SHB: variants seen among roughly 807,000 people sequenced by gnomAD.
The protein encoded by SHB is SH2 domain-containing adapter protein B.
SHB carries 20 observed loss-of-function variants against 52.3 expected under a neutral mutation model. That is an observed-to-expected ratio of 0.38 (90% CI 0.27 to 0.56). The LOEUF is 0.56. Among genes scored for constraint, SHB ranks in the 20% least tolerant of loss-of-function variants. The pLI is 0.71. For synonymous variants in SHB, 397 were observed against 316.5 expected (o/e 1.25, Z -2.70); for missense variants, 825 against 723.3 (o/e 1.14, Z -1.61).
intron 2 of SHB, among the ~76,000 whole-genome samples, chr9:38,005,962 T>C (rs1459825676): frequency 6.6e-6 from 1 of 152,150 alleles, no homozygotes; most frequent in Non-Finnish European, 1.5e-5. Flanking sequence ...CCCTAACACA[T>C]GAATGCATTC....
At chr9:37,988,763 C>A (rs1379561805) in intron 2 of SHB, among the ~76,000 whole-genome samples, 1 of 152,138 alleles carries the variant, frequency 6.6e-6, no homozygotes, top group African/African-American at 2.4e-5. Flanking sequence ...GATTGCACAC[C>A]CCTCCTTGTT....
chr9:37,981,110 C>A (rs949434747), intron 2 of SHB, among the ~76,000 whole-genome samples: 1 of 152,250 alleles, frequency 6.6e-6, no homozygotes. Context: ...ACAAGAGAGG[C>A]AGCCTGTCCT....
intron 2 of SHB, among the ~76,000 whole-genome samples, chr9:38,000,356 A>C (rs925181367): frequency 6.6e-6 from 1 of 152,212 alleles, no homozygotes; most frequent in African/African-American, 2.4e-5. Context: ...GAGGGCCTCT[A>C]CAGGATGGGG....
At chr9:38,008,363 A>G (rs1009093678) in intron 2 of SHB, among the ~76,000 whole-genome samples, 1 of 152,214 alleles carries the variant, frequency 6.6e-6, no homozygotes, top group African/African-American at 2.4e-5. Context: ...TGGGTGTGTG[A>G]GCCCTGCTGT....
At chr9:38,025,955 C>T (rs1821335393) in intron 1 of SHB, among the ~76,000 whole-genome samples, 1 of 152,200 alleles carries the variant, frequency 6.6e-6, no homozygotes, top group South Asian at 2.1e-4. Context: ...ATCTGTTGAA[C>T]TACATATTTA....
chr9:37,988,206 C>A (rs1020366364), intron 2 of SHB, among the ~76,000 whole-genome samples: 12 of 152,292 alleles, frequency 7.9e-5, no homozygotes, highest in South Asian at 6.2e-4. Context: ...TGAGAGACAA[C>A]CTTTGCCTTC....
chr9:38,065,239 G>A (rs1267315569), intron 1 of SHB, among the ~76,000 whole-genome samples: 1 of 152,220 alleles, frequency 6.6e-6, no homozygotes, highest in Non-Finnish European at 1.5e-5. Flanking sequence ...GAAAACAACT[G>A]CTTCCTGACT....
chr9:37,951,533 C>G (rs978892666), intron 4 of SHB, among the ~76,000 whole-genome samples: 1 of 152,202 alleles, frequency 6.6e-6, no homozygotes, highest in African/African-American at 2.4e-5. Context: ...AGTGAGCTGA[C>G]AAAAACATTT....
chr9:37,931,610 G>A (rs759885336), intron 5 of SHB, among the ~76,000 whole-genome samples: 4 of 152,094 alleles, frequency 2.6e-5, no homozygotes, highest in Non-Finnish European at 5.9e-5. Flanking sequence ...GCGAGGATGC[G>A]GAAAAAAGGA....
At chr9:37,942,733 T>C (rs1832448512) in intron 5 of SHB, among the ~76,000 whole-genome samples, 1 of 152,234 alleles carries the variant, frequency 6.6e-6, no homozygotes, top group African/African-American at 2.4e-5. Context: ...TGGATTCAGA[T>C]ATCTGACTGC....
At chr9:37,961,814 T>G (rs1353018292) in intron 3 of SHB, among the ~76,000 whole-genome samples, 1 of 152,228 alleles carries the variant, frequency 6.6e-6, no homozygotes. Flanking sequence ...TCTGCACCAC[T>G]GTCCTGGCAC....
intron 1 of SHB, among the ~76,000 whole-genome samples, chr9:38,025,319 A>G (rs1002220649): frequency 6.6e-6 from 1 of 150,520 alleles, no homozygotes; most frequent in Non-Finnish European, 1.5e-5. Context: ...TCTCCTGCAG[A>G]CTCCATCAAC....
intron 2 of SHB, among the ~76,000 whole-genome samples, chr9:37,994,860 C>T (rs1203178716): frequency 1.3e-5 from 2 of 152,070 alleles, no homozygotes; most frequent in Admixed American, 1.3e-4. Context: ...TAAACATCTA[C>T]CTCACCGTGA....
chr9:37,996,672 T>C (rs773840588), intron 2 of SHB, among the ~76,000 whole-genome samples: 1 of 152,198 alleles, frequency 6.6e-6, no homozygotes, highest in Non-Finnish European at 1.5e-5. Flanking sequence ...TCCCCAGCAA[T>C]GGCCTTTCTT....
Position 37,957,068 on chromosome 9 carries a change from C to G in SHB, c.1055-1014G>C, listed in dbSNP as rs182249484. Among the ~76,000 whole-genome samples the G allele has an allele frequency of 8.3e-4, 126 of 152,334 alleles. 1 individual carries two copies. The highest frequency in any genetic ancestry group is 2.9e-3 in the African/African-American group (119 of 41,566). ...GAGCCTTGGCTACGCTATTGAACCT[C>G]TTTGAGTCCCCAGGCTGCTGTGAAG... On this transcript the variant is annotated intron_variant, in intron 3 of 5. Coordinates refer to ENST00000377707, the MANE Select transcript of SHB (RefSeq NM_003028.3).
chr9:37,948,867 C>T, intron 4 of SHB, 113 bp from the exon 5 acceptor site: 3 of 1,395,012 alleles, frequency 2.2e-6, no homozygotes, highest in East Asian at 2.4e-5. Flanking sequence ...AGCAGGCATG[C>T]ACTGGTTCAT....
At chr9:37,923,187 C>A (rs1031758538) in intron 5 of SHB, among the ~76,000 whole-genome samples, 5 of 152,230 alleles carry the variant, frequency 3.3e-5, no homozygotes, top group African/African-American at 9.7e-5. Flanking sequence ...GAGAGGGCCT[C>A]ATGTAACCCT....
At chr9:38,016,584 G>A (rs1210857045) in intron 1 of SHB, among the ~76,000 whole-genome samples, 1 of 152,238 alleles carries the variant, frequency 6.6e-6, no homozygotes, top group East Asian at 1.9e-4. Context: ...TTTGTCTAGA[G>A]ATAATTAGCT....
chr9:38,018,506 G>GAAAA (rs56253637), intron 1 of SHB, among the ~76,000 whole-genome samples: 1 of 140,442 alleles, frequency 7.1e-6, no homozygotes. Flanking sequence ...TCCTTCCATT[G>GAAAA]AAAAAAAAAA....
Sources: gnomAD v4.1 joint callset for allele counts (sites outside exome capture counted in the v4.1 genomes callset) on GRCh38, gnomAD v4.1.1 for gene constraint, MANE v1.5 for transcripts, NCBI Gene and HGNC (gene_info 2026-07-23, HGNC 2026-07-21) for gene names.